Variants in ZHX2 observed in about 807,000 individuals in gnomAD.
The protein encoded by ZHX2 is zinc fingers and homeoboxes 2, also known as zinc fingers and homeoboxes protein 2.
Under a neutral mutation model 21.9 loss-of-function variants are expected in ZHX2, and 6 were observed. The observed-to-expected ratio is 0.27, with a 90% CI of 0.15 to 0.54. ZHX2 has a LOEUF of 0.54. ZHX2 is among the 20% of genes least tolerant of loss of function. ZHX2 has a pLI of 0.95. For synonymous variants in ZHX2, 434 were observed against 437.1 expected, an observed-to-expected ratio of 0.99 and a Z score of 0.09; for missense variants, 908 against 1,090.7, an observed-to-expected ratio of 0.83 and a Z score of 2.36.
At chr8:122,931,380 T>C (rs954269142) in intron 2 of ZHX2, among the ~76,000 whole-genome samples, 2 of 152,188 alleles carry the variant, frequency 1.3e-5, no homozygotes, top group African/African-American at 4.8e-5. Context: ...TCATCTCTTA[T>C]AAGACTGAAG....
chr8:122,926,444 G>A (rs1001156963), intron 2 of ZHX2, among the ~76,000 whole-genome samples: 3 of 152,228 alleles, frequency 2.0e-5, no homozygotes, highest in Non-Finnish European at 4.4e-5. Context: ...TGTGACTGCT[G>A]TAACTGAGCC....
In ZHX2 at chr8:122,953,139, C is replaced by A. The variant is rs1586420166; in HGVS notation, c.1629C>A (p.Ile543=). Reference sequence around the variant, plus strand: ...AGAAAACACAGGGTCAGGTTAAAATCTTGGAAGACAGCTTTTTGAAAAGTT... The same window carrying A: ...AGAAAACACAGGGTCAGGTTAAAATATTGGAAGACAGCTTTTTGAAAAGTT... The part of the protein sequence containing the change: ...FKEKTQGQVK[I]LEDSFLKSSF... Residue 543 remains isoleucine, a synonymous_variant, in exon 3 of 4, where the codon ATC becomes ATA. Transcript: ENST00000314393. This position sits in a 1 kb window ranked among gnomAD's most constrained non-coding sequence, Gnocchi z 4.6. 6.2e-7 allele frequency: 1 copy of A among 1,613,734 alleles called. No homozygotes were observed. The highest frequency in any genetic ancestry group is 1.3e-5 in the African/African-American group (1 of 74,874).
At chr8:122,844,419 T>A (rs924189705) in intron 1 of ZHX2, among the ~76,000 whole-genome samples, 3 of 152,282 alleles carry the variant, frequency 2.0e-5, no homozygotes, top group Non-Finnish European at 4.4e-5. Flanking sequence ...GAATCTGACC[T>A]GCTCTTCTCC....
In ZHX2 at chr8:122,816,696, C is replaced by A. The variant is rs577543587; in HGVS notation, c.-283+34750C>A. Reference sequence around the variant, plus strand: ...AGGGCTTACAAAAGTCATATGCAGCCTTTACAAATATTAGCTCAGTCATTT... The same window carrying A: ...AGGGCTTACAAAAGTCATATGCAGCATTTACAAATATTAGCTCAGTCATTT... On this transcript the variant is annotated intron_variant, in intron 1 of 3. Transcript: ENST00000314393. 1.2e-4 allele frequency among the ~76,000 whole-genome samples: 19 copies of A among 152,066 alleles called. No individual in the cohort carries two copies. The East Asian group carries it at 3.3e-3, about 26-fold the overall frequency.
intron 1 of ZHX2, among the ~76,000 whole-genome samples, chr8:122,851,228 G>T (rs1818890405): frequency 1.3e-5 from 2 of 152,220 alleles, no homozygotes; most frequent in South Asian, 4.1e-4. Flanking sequence ...GAGAGAAAAA[G>T]AAGAAAGGTG....
At chr8:122,906,552 A>G (rs1276894092) in intron 2 of ZHX2, among the ~76,000 whole-genome samples, 1 of 152,164 alleles carries the variant, frequency 6.6e-6, no homozygotes, top group Non-Finnish European at 1.5e-5. Context: ...GTGTTTATGC[A>G]TGGGAAAAGC....
intron 2 of ZHX2, among the ~76,000 whole-genome samples, chr8:122,916,745 C>T (rs907638735): frequency 2.0e-5 from 3 of 152,066 alleles, no homozygotes; most frequent in Non-Finnish European, 2.9e-5. Flanking sequence ...TCCATCCATC[C>T]TATCGTTTAA....
rs1226309465 is a variant in ZHX2, at chr8:122,951,364, C to CA, written c.-144dup. ...CTGTGCTGAAATCATTCTGAAAACT[C>CA]AAACAGTAGACTTCAGCACACAAGG... On this transcript the variant is annotated 5_prime_UTR_variant, in exon 3 of 4. Coordinates refer to ENST00000314393, the MANE Select transcript of ZHX2 (RefSeq NM_014943.5). 9 of 695,682 alleles carry CA rather than the reference C, an allele frequency of 1.3e-5. No individual in the cohort carries two copies. The highest frequency in any genetic ancestry group is 5.4e-5 in the African/African-American group (3 of 55,598). The allele number at this position is 695,682 out of a possible 1,614,324, so 43.1% of individuals were successfully genotyped here. A position where few individuals can be genotyped will look rare whatever the true frequency, so the allele number is the denominator to read the frequency against.
chr8:122,890,295 G>T (rs1472445501), intron 2 of ZHX2, among the ~76,000 whole-genome samples: 2 of 151,996 alleles, frequency 1.3e-5, no homozygotes, highest in Non-Finnish European at 2.9e-5. Flanking sequence ...TCTGGGTTCT[G>T]TATTCTGTTT....
chr8:122,798,007 C>G lies in ZHX2; in HGVS notation c.-283+16061C>G, dbSNP rs79397504. On this transcript the variant is annotated intron_variant, in intron 1 of 3. Coordinates refer to ENST00000314393, the MANE Select transcript of ZHX2 (RefSeq NM_014943.5). ...GGAGGGCGTCCCTGTTGTTCTCTTC[C>G]TCAGAGAGTCCTGATTATCTGTATG... Among the ~76,000 whole-genome samples the G allele has an allele frequency of 2.8e-3, 421 of 152,246 alleles. 3 individuals are homozygous for G. Among genetic ancestry groups the G allele is most frequent in the African/African-American group, 9.9e-3 (410 of 41,530 alleles).
At chr8:122,899,926 GC>G (rs1401055882) in intron 2 of ZHX2, among the ~76,000 whole-genome samples, 1 of 152,212 alleles carries the variant, frequency 6.6e-6, no homozygotes, top group Non-Finnish European at 1.5e-5. Flanking sequence ...TGTGTGCAGA[GC>G]CCAGTTAAAA....
In ZHX2 at chr8:122,953,399, C is replaced by T. The variant is rs150510685; in HGVS notation, c.1889C>T (p.Ser630Leu). The change falls in exon 3 of 4, where the codon TCG becomes TTG. Residue 630 changes from serine (S) to leucine (L), a missense_variant. Physicochemically the swap from Ser to Leu is moderately radical, Grantham distance 145. This residue lies in a region of ZHX2 where 431 missense variants were observed against 428.6 expected (regional missense o/e 1.01). Coordinates refer to ENST00000314393, the MANE Select transcript of ZHX2 (RefSeq NM_014943.5). This position sits in a 1 kb window ranked among gnomAD's most constrained non-coding sequence, Gnocchi z 4.6. ...AQLTSSLPSP[S>L]PAIAKSQEQV... ...TTAACAAGTTCTCTGCCCAGCCCTT[C>T]GCCAGCAATTGCAAAAAGTCAAGAA... The T allele has an allele frequency of 2.5e-6, 4 of 1,614,154 alleles. No individual in the cohort carries two copies. The highest frequency in any genetic ancestry group is 1.7e-5 in the Admixed American group (1 of 60,028).
intron 2 of ZHX2, among the ~76,000 whole-genome samples, chr8:122,902,176 G>A (rs1283448014): frequency 6.6e-6 from 1 of 152,178 alleles, no homozygotes; most frequent in African/African-American, 2.4e-5. Flanking sequence ...CCTCCTAGGG[G>A]ACCATTCAAC....
rs76141370 is a variant in ZHX2, at chr8:122,854,844, G to T, written c.-282-8633G>T. On this transcript the variant is annotated intron_variant, in intron 1 of 3. Transcript: ENST00000314393. ...CATGACACTGTATAGTCCCCCTGTGGGCGTTTTTACTTACTTTTAAATACT... is the reference window on the plus strand; with the variant it reads ...CATGACACTGTATAGTCCCCCTGTGTGCGTTTTTACTTACTTTTAAATACT... Among the ~76,000 whole-genome samples the T allele has an allele frequency of 2.0e-3, 300 of 152,154 alleles. 2 individuals carry two copies. The highest frequency in any genetic ancestry group is 6.8e-3 in the African/African-American group (281 of 41,500).
At chr8:122,799,397 ATT>A (rs33947288) in intron 1 of ZHX2, among the ~76,000 whole-genome samples, 4 of 149,048 alleles carry the variant, frequency 2.7e-5, no homozygotes, top group South Asian at 2.1e-4. Context: ...GTGCGCCACA[ATT>A]TTTTTTTTTG....
At chr8:122,820,671 A>T (rs1818126785) in intron 1 of ZHX2, among the ~76,000 whole-genome samples, 1 of 151,998 alleles carries the variant, frequency 6.6e-6, no homozygotes, top group Non-Finnish European at 1.5e-5. Flanking sequence ...TGGCAGAATG[A>T]CTCCTGATTT....
chr8:122,901,567 C>G (rs1283894329), intron 2 of ZHX2, among the ~76,000 whole-genome samples: 1 of 152,178 alleles, frequency 6.6e-6, no homozygotes, highest in Admixed American at 6.5e-5. Flanking sequence ...CTCTGGGAAT[C>G]AAATCTCATA....
At chr8:122,939,993 A>T (rs1374848575) in intron 2 of ZHX2, among the ~76,000 whole-genome samples, 1 of 152,200 alleles carries the variant, frequency 6.6e-6, no homozygotes, top group Non-Finnish European at 1.5e-5. Flanking sequence ...AAAGGTCCTC[A>T]TTCGGGCCAG....
chr8:122,843,363 C>T (rs1482340578), intron 1 of ZHX2, among the ~76,000 whole-genome samples: 1 of 152,168 alleles, frequency 6.6e-6, no homozygotes, highest in African/African-American at 2.4e-5. Context: ...GCTCACTAGG[C>T]CTCTCCTTGT....
Sources: gnomAD v4.1 joint callset for allele counts (sites outside exome capture counted in the v4.1 genomes callset) on GRCh38, gnomAD v4.1.1 for gene constraint, gnomAD v4.1.1 regional missense constraint, Gnocchi (gnomAD v3.1) non-coding constraint, MANE v1.5 for transcripts, NCBI Gene and HGNC (gene_info 2026-07-23, HGNC 2026-07-21) for gene names.